The following ELAPOR2 variants were observed in gnomAD, a reference collection of about 807,000 sequenced individuals.
ELAPOR2 encodes the protein endosome-lysosome associated apoptosis and autophagy regulator family member 2, also known as endosome/lysosome-associated apoptosis and autophagy regulator family member 2.
A neutral mutation model predicts 120.7 loss-of-function variants in ELAPOR2; 89 were observed. The ratio of observed to expected loss-of-function variants is 0.74; its 90% CI spans 0.62 to 0.88. The LOEUF is 0.88. ELAPOR2 is among the 40% of genes least tolerant of loss of function. ELAPOR2 has a pLI of 0.00. For missense variants in ELAPOR2, 1,134 were observed against 1,251.6 expected (o/e 0.91, Z 1.42); for synonymous variants, 444 against 444.9 (o/e 1.00, Z 0.03).
intron 2 of ELAPOR2, among the ~76,000 whole-genome samples, chr7:86,962,638 T>C (rs1204211147): frequency 6.6e-6 from 1 of 152,176 alleles, no homozygotes; most frequent in Non-Finnish European, 1.5e-5. Flanking sequence ...CTATATGACA[T>C]AAGGTAAATT....
At chr7:87,011,606 T>C (rs1793682586) in intron 1 of ELAPOR2, among the ~76,000 whole-genome samples, 1 of 152,228 alleles carries the variant, frequency 6.6e-6, no homozygotes, top group African/African-American at 2.4e-5. Flanking sequence ...GTATAAAAAA[T>C]ACAGCCTTGT....
chr7:87,059,287 C>A, intron 1 of ELAPOR2, 38 bp downstream of exon 1: 1 of 1,246,196 alleles, frequency 8.0e-7, no homozygotes, highest in Middle Eastern at 2.1e-4. Context: ...CGCGCCCTCC[C>A]CCAGCAAACT....
intron 1 of ELAPOR2, among the ~76,000 whole-genome samples, chr7:87,031,797 G>A (rs1794429991): frequency 6.6e-6 from 1 of 151,932 alleles, no homozygotes; most frequent in African/African-American, 2.4e-5. Context: ...TTAAAAATAG[G>A]TATATTAAAT....
At chr7:87,033,894 C>T (rs1794497003) in intron 1 of ELAPOR2, among the ~76,000 whole-genome samples, 1 of 151,884 alleles carries the variant, frequency 6.6e-6, no homozygotes, top group Non-Finnish European at 1.5e-5. Flanking sequence ...TATCCACATA[C>T]ACAATAGATG....
intron 1 of ELAPOR2, among the ~76,000 whole-genome samples, chr7:87,018,572 T>C (rs993849806): frequency 3.1e-4 from 47 of 152,284 alleles, no homozygotes; most frequent in African/African-American, 1.1e-3. Flanking sequence ...TGTAGGTAAA[T>C]GGAGTATGAT....
rs376938495 is a variant in ELAPOR2, at chr7:86,880,476, T to A, written c.3085A>T (p.Ile1029Leu). The stretch of plus-strand genomic sequence containing the variant: ...AAGGCTACAGCACTGTCTCTTCATA[T>A]ATTTGGGGATCTTGAGGTTTTCAGT... ...VQLKTSRSPNI is the reference protein window; with the variant it reads ...VQLKTSRSPNL The change falls in exon 22 of 22, where the codon ATA becomes TTA. Residue 1029 changes from isoleucine to leucine, a missense_variant. Transcript: ENST00000450689. 3 of 1,608,050 alleles carry A rather than the reference T, an allele frequency of 1.9e-6. No individual in the cohort carries two copies. The highest frequency in any genetic ancestry group is 2.7e-5 in the African/African-American group (2 of 74,756).
intron 4 of ELAPOR2, among the ~76,000 whole-genome samples, chr7:86,943,508 A>C (rs1287931823): frequency 6.6e-6 from 1 of 152,032 alleles, no homozygotes; most frequent in Non-Finnish European, 1.5e-5. Flanking sequence ...TCTAAAGCTG[A>C]AACATCAATA....
chr7:86,992,431 CAAA>C (rs894751043), intron 1 of ELAPOR2, among the ~76,000 whole-genome samples: 2 of 147,192 alleles, frequency 1.4e-5, no homozygotes, highest in African/African-American at 5.0e-5. Context: ...ATTCTTGTCT[CAAA>C]AAAAAAATAG....
At chr7:86,952,648 T>C (rs1257799899) in intron 2 of ELAPOR2, among the ~76,000 whole-genome samples, 1 of 152,174 alleles carries the variant, frequency 6.6e-6, no homozygotes, top group South Asian at 2.1e-4. Context: ...TTTTAGCAAG[T>C]TTCTATCTTC....
At chr7:86,916,927 T>C (rs78993885) in intron 12 of ELAPOR2, among the ~76,000 whole-genome samples, 5,680 of 150,938 alleles carry the variant, frequency 0.038, 367 homozygotes, top group African/African-American at 0.13. Context: ...TAGCTAGGAT[T>C]AAAGGCATGC....
At chr7:87,000,261 T>C (rs574310933) in intron 1 of ELAPOR2, among the ~76,000 whole-genome samples, 13 of 152,202 alleles carry the variant, frequency 8.5e-5, no homozygotes, top group Middle Eastern at 3.4e-3. Context: ...TCCAAGGTAA[T>C]TGCAGTCTTC....
At chr7:87,015,091 C>A (rs1255851725) in intron 1 of ELAPOR2, among the ~76,000 whole-genome samples, 3 of 151,844 alleles carry the variant, frequency 2.0e-5, no homozygotes, top group Admixed American at 6.6e-5. Flanking sequence ...TTTGCACATG[C>A]TAATAGAATG....
Position 86,939,922 on chromosome 7 carries a change from T to C in ELAPOR2, c.847+88A>G. ...TATTAATTTCTGTTCTATAAATCTT[T>C]GAGCCAGCCAAACCAAAACTTTAAT... On this transcript the variant is annotated intron_variant, in intron 6 of 21. Coordinates refer to ENST00000450689, the MANE Select transcript of ELAPOR2 (RefSeq NM_001142749.3). 1.5e-5 allele frequency: 11 copies of C among 730,010 alleles called. 1 individual carries two copies. The highest frequency in any genetic ancestry group is 5.0e-5 in the South Asian group (2 of 40,292). 45.2% of individuals were successfully genotyped at this position (730,010 alleles called of 1,614,324 possible). A position where few individuals can be genotyped will look rare whatever the true frequency, so the allele number is the denominator to read the frequency against.
chr7:86,974,013 G>T (rs550247460), intron 1 of ELAPOR2, among the ~76,000 whole-genome samples: 1 of 151,738 alleles, frequency 6.6e-6, no homozygotes, highest in East Asian at 1.9e-4. Context: ...CTCTTGAAGG[G>T]TCTTCACGTA....
intron 1 of ELAPOR2, among the ~76,000 whole-genome samples, chr7:87,035,318 G>A (rs1048038728): frequency 1.3e-5 from 2 of 152,128 alleles, no homozygotes; most frequent in African/African-American, 4.8e-5. Flanking sequence ...AATTTTCAGA[G>A]TATAAAGACA....
chr7:87,053,482 T>A (rs1795176299), intron 1 of ELAPOR2, among the ~76,000 whole-genome samples: 1 of 152,072 alleles, frequency 6.6e-6, no homozygotes, highest in South Asian at 2.1e-4. Flanking sequence ...GAAAAAGGTA[T>A]CCCTTTTTCC....
intron 1 of ELAPOR2, among the ~76,000 whole-genome samples, chr7:87,025,172 TG>T (rs1439991637): frequency 1.3e-5 from 2 of 152,090 alleles, no homozygotes; most frequent in Admixed American, 6.6e-5. Context: ...TTCGTTTAGA[TG>T]ACTAAATGAA....
At chr7:87,013,568 G>A (rs1334008553) in intron 1 of ELAPOR2, among the ~76,000 whole-genome samples, 2 of 152,136 alleles carry the variant, frequency 1.3e-5, no homozygotes, top group African/African-American at 4.8e-5. Flanking sequence ...GATGGAGTGA[G>A]GAAGGAGCAG....
At chr7:86,916,635 A>G (rs1789581819) in intron 12 of ELAPOR2, among the ~76,000 whole-genome samples, 1 of 152,192 alleles carries the variant, frequency 6.6e-6, no homozygotes, top group African/African-American at 2.4e-5. Flanking sequence ...CTGTGACCAC[A>G]GAGTTTCTTA....
Sources: gnomAD v4.1 joint callset for allele counts (sites outside exome capture counted in the v4.1 genomes callset) on GRCh38, gnomAD v4.1.1 for gene constraint, MANE v1.5 for transcripts, NCBI Gene and HGNC (gene_info 2026-07-23, HGNC 2026-07-21) for gene names.